The following KCNN2 variants were observed in gnomAD, a reference collection of about 807,000 sequenced individuals.
KCNN2 encodes the protein potassium calcium-activated channel subfamily N member 2.
Under a neutral mutation model 55.5 loss-of-function variants are expected in KCNN2, and 24 were observed. The ratio of observed to expected loss-of-function variants is 0.43; its 90% CI spans 0.31 to 0.61. The LOEUF is 0.61. Among genes scored for constraint, KCNN2 ranks in the 20% least tolerant of loss-of-function variants. The probability of loss-of-function intolerance (pLI) is 0.08; values close to 1 mark genes in which losing one functional copy is unlikely to be tolerated. For synonymous variants in KCNN2, 431 were observed against 336.1 expected (o/e 1.28, Z -3.09); for missense variants, 754 against 853.6 (o/e 0.88, Z 1.45).
intron 6 of KCNN2, among the ~76,000 whole-genome samples, chr5:114,491,918 T>TATTA (rs892841872): frequency 6.6e-6 from 1 of 152,118 alleles, no homozygotes; most frequent in Non-Finnish European, 1.5e-5. Context: ...ATTGTAACCC[T>TATTA]ATTAATTACT....
At chr5:114,296,851 C>G (rs988927489) in intron 2 of KCNN2, among the ~76,000 whole-genome samples, 3 of 152,048 alleles carry the variant, frequency 2.0e-5, no homozygotes, top group Non-Finnish European at 4.4e-5. Flanking sequence ...ATATTTCTTC[C>G]TTTTCCTCAT....
intron 2 of KCNN2, among the ~76,000 whole-genome samples, chr5:114,225,880 T>TAAA (rs918063078): frequency 7.2e-5 from 11 of 152,172 alleles, no homozygotes; most frequent in African/African-American, 2.4e-4. Context: ...ACGTATTCTG[T>TAAA]AAAATGAATA....
intron 2 of KCNN2, among the ~76,000 whole-genome samples, chr5:114,304,290 T>C (rs1172178298): frequency 6.6e-6 from 1 of 152,156 alleles, no homozygotes; most frequent in African/African-American, 2.4e-5. Flanking sequence ...TGTAAATTAT[T>C]GGAGGAGAGT....
intron 2 of KCNN2, among the ~76,000 whole-genome samples, chr5:114,342,481 T>A (rs981563018): frequency 6.6e-6 from 1 of 152,106 alleles, no homozygotes. Context: ...ATTTGTGGAA[T>A]GTACAGGAAA....
chr5:114,396,609 C>T (rs576970333), intron 2 of KCNN2, among the ~76,000 whole-genome samples: 61 of 150,088 alleles, frequency 4.1e-4, no homozygotes, highest in Non-Finnish European at 6.4e-4. Flanking sequence ...AGTGCACTGG[C>T]GCGATCTCGA....
chr5:114,404,470 G>C lies in KCNN2; in HGVS notation c.1251G>C (p.Trp417Cys). ...TGGTGGACAATGGAGCAGATGACTG[G>C]AGAATAGCCATGACTTATGAGCGTA... ...LFMVDNGADDWRIAMTYERIF... is the reference protein window; with the variant it reads ...LFMVDNGADDCRIAMTYERIF... The change falls in exon 3 of 8, where the codon TGG becomes TGC. Residue 417 changes from tryptophan to cysteine, a missense_variant. Coordinates refer to ENST00000673685, the MANE Select transcript of KCNN2 (RefSeq NM_021614.4). 6.2e-6 allele frequency: 10 copies of C among 1,613,388 alleles called. No homozygotes were observed. Among genetic ancestry groups the C allele is most frequent in the Non-Finnish European group, 8.5e-6 (10 of 1,179,908 alleles).
intron 1 of KCNN2, among the ~76,000 whole-genome samples, chr5:114,058,894 C>T (rs867036328): frequency 4.6e-5 from 7 of 152,142 alleles, no homozygotes; most frequent in Admixed American, 2.0e-4. Flanking sequence ...GATGGCAGGA[C>T]GTGACTGTGT....
intron 2 of KCNN2, among the ~76,000 whole-genome samples, chr5:114,323,998 A>G (rs891372001): frequency 2.4e-4 from 36 of 152,282 alleles, no homozygotes; most frequent in African/African-American, 6.0e-4. Flanking sequence ...ATAAGGTCCT[A>G]TAAAATATTA....
intron 1 of KCNN2, among the ~76,000 whole-genome samples, chr5:114,190,748 C>A (rs546231335): frequency 6.6e-6 from 1 of 152,156 alleles, no homozygotes; most frequent in South Asian, 2.1e-4. Flanking sequence ...TATGTTATTT[C>A]ACTTATAGTT....
intron 2 of KCNN2, among the ~76,000 whole-genome samples, chr5:114,345,753 T>C (rs1757093817): frequency 6.6e-6 from 1 of 152,162 alleles, no homozygotes; most frequent in African/African-American, 2.4e-5. Context: ...AGCATCTGCT[T>C]GGCTTCTGGG....
intron 1 of KCNN2, among the ~76,000 whole-genome samples, chr5:114,171,270 TA>T (rs1753027717): frequency 1.3e-5 from 2 of 151,952 alleles, no homozygotes; most frequent in Admixed American, 1.3e-4. Context: ...AATAACAACA[TA>T]AAAGAAAACC....
intron 3 of KCNN2, among the ~76,000 whole-genome samples, chr5:114,447,358 G>A (rs1760458978): frequency 6.6e-6 from 1 of 152,164 alleles, no homozygotes; most frequent in Non-Finnish European, 1.5e-5. Flanking sequence ...TATTGTATTT[G>A]GCTAAGAGTT....
At chr5:114,076,907 A>G (rs1372672415) in intron 1 of KCNN2, among the ~76,000 whole-genome samples, 5 of 151,944 alleles carry the variant, frequency 3.3e-5, no homozygotes, top group Non-Finnish European at 7.4e-5. Flanking sequence ...GTTAGCCAGG[A>G]TGGTCTTGAA....
intron 2 of KCNN2, among the ~76,000 whole-genome samples, chr5:114,300,979 C>G (rs935271033): frequency 1.3e-5 from 2 of 151,968 alleles, no homozygotes; most frequent in Non-Finnish European, 2.9e-5. Flanking sequence ...CAAGCGAAAG[C>G]TGAAATTTAT....
At chr5:114,263,341 T>C (rs1755148210) in intron 2 of KCNN2, among the ~76,000 whole-genome samples, 1 of 152,206 alleles carries the variant, frequency 6.6e-6, no homozygotes, top group Admixed American at 6.5e-5. Flanking sequence ...GGAGACCAAC[T>C]CCTGCACGTT....
At position 114,414,176 on chromosome 5, in the gene KCNN2, A is replaced by G. The variant is rs186328778; in HGVS notation, c.1637+9320A>G. ...CTTAATGTAAGATTGTATTAATACA[A>G]TCATAGAAATGCAAGACAAAAGTGC... is the stretch of plus-strand genomic sequence containing the variant. On this transcript the variant is annotated intron_variant, in intron 3 of 7. Coordinates refer to ENST00000673685, the MANE Select transcript of KCNN2 (RefSeq NM_021614.4). Among the ~76,000 whole-genome samples the G allele has an allele frequency of 1.5e-4, 23 of 152,282 alleles. 1 individual carries two copies. In the East Asian group the frequency reaches 1.9e-3, roughly 13 times the overall value.
intron 2 of KCNN2, among the ~76,000 whole-genome samples, chr5:114,245,823 C>G (rs953725005): frequency 6.6e-6 from 1 of 152,146 alleles, no homozygotes; most frequent in Non-Finnish European, 1.5e-5. Context: ...CAGTCAGGAA[C>G]AGGTGGACAT....
chr5:114,493,222 G>C (rs558734385), intron 6 of KCNN2, 181 bp from the exon 7 acceptor site: 1 of 671,408 alleles, frequency 1.5e-6, no homozygotes, highest in African/African-American at 1.8e-5. Context: ...TCTTTTTTGC[G>C]GTGTTGGGGA....
intron 2 of KCNN2, among the ~76,000 whole-genome samples, chr5:114,349,081 C>T (rs137961444): frequency 9.9e-4 from 151 of 152,212 alleles, no homozygotes; most frequent in African/African-American, 3.4e-3. Context: ...CTCCTTCCCC[C>T]CAGCCCAAGA....
Sources: gnomAD v4.1 joint callset for allele counts (sites outside exome capture counted in the v4.1 genomes callset) on GRCh38, gnomAD v4.1.1 for gene constraint, MANE v1.5 for transcripts, NCBI Gene and HGNC (gene_info 2026-07-23, HGNC 2026-07-21) for gene names.